Variants in EIF3H observed in about 807,000 individuals in gnomAD.
EIF3H encodes eIF-3-gamma.
In EIF3H, 26 loss-of-function variants were observed where a neutral mutation model predicts 44.2. The ratio of observed to expected loss-of-function variants is 0.59; its 90% confidence interval spans 0.43 to 0.82. The LOEUF is 0.82. Among genes scored for constraint, EIF3H ranks in the 40% least tolerant of loss-of-function variants. EIF3H has a pLI of 0.00. For synonymous variants in EIF3H, 166 were observed against 151.9 expected (o/e 1.09, Z -0.68); for missense variants, 359 against 432.8 (o/e 0.83, Z 1.51).
intron 2 of EIF3H, among the ~76,000 whole-genome samples, chr8:116,666,541 G>A (rs910997477): frequency 3.9e-5 from 6 of 151,906 alleles, no homozygotes; most frequent in African/African-American, 1.5e-4. Flanking sequence ...CGTTGGTCAT[G>A]AAAACACATA....
chr8:116,656,595 G>A (rs1813494463), intron 4 of EIF3H, among the ~76,000 whole-genome samples: 1 of 152,098 alleles, frequency 6.6e-6, no homozygotes, highest in South Asian at 2.1e-4. Flanking sequence ...GGAAACTAGA[G>A]AAGAACCGTC....
chr8:116,740,407 G>A (rs1310593909), intron 1 of EIF3H, among the ~76,000 whole-genome samples: 1 of 147,462 alleles, frequency 6.8e-6, no homozygotes. Context: ...GCTTCTACAG[G>A]AGATGACAGG....
At chr8:116,713,644 C>T (rs1814610852) in intron 2 of EIF3H, among the ~76,000 whole-genome samples, 1 of 151,992 alleles carries the variant, frequency 6.6e-6, no homozygotes, top group South Asian at 2.1e-4. Flanking sequence ...TTCTAATCAC[C>T]TTAATAAACC....
chr8:116,744,272 A>C (rs527367361), intron 1 of EIF3H, among the ~76,000 whole-genome samples: 1 of 152,108 alleles, frequency 6.6e-6, no homozygotes, highest in African/African-American at 2.4e-5. Flanking sequence ...GTGGCACTTA[A>C]GTACCACTTT....
Position 116,743,769 on chromosome 8 carries a change from C to CATACAT in EIF3H, c.132+11896_132+11897insATGTAT, listed in dbSNP as rs1433709835. ...CGATACCCTGTCTCAAAAATACATA[C>CATACAT]ATATATATATATATATATATATATA... On this transcript the variant is annotated intron_variant, in intron 1 of 7. Transcript: ENST00000521861. Among the ~76,000 whole-genome samples, 4 of 96,998 alleles carry CATACAT rather than the reference C, an allele frequency of 4.1e-5. No homozygotes were observed. In the South Asian group the frequency reaches 1.2e-3, roughly 28 times the overall value. 63.6% of individuals were successfully genotyped at this position (96,998 alleles called of 152,430 possible). A position where few individuals can be genotyped will look rare whatever the true frequency, so the allele number is the denominator to read the frequency against.
chr8:116,720,330 T>C (rs1352903460), intron 2 of EIF3H, among the ~76,000 whole-genome samples: 1 of 152,256 alleles, frequency 6.6e-6, no homozygotes, highest in Non-Finnish European at 1.5e-5. Context: ...ATTAAATGTT[T>C]TCATTTAAAT....
intron 2 of EIF3H, among the ~76,000 whole-genome samples, chr8:116,725,528 T>C (rs1429976734): frequency 6.6e-6 from 1 of 152,236 alleles, no homozygotes; most frequent in Non-Finnish European, 1.5e-5. Flanking sequence ...TGTGAGCTTT[T>C]AACTACTCTC....
intron 6 of EIF3H, among the ~76,000 whole-genome samples, chr8:116,648,003 T>A (rs547659169): frequency 6.6e-6 from 1 of 152,198 alleles, no homozygotes; most frequent in African/African-American, 2.4e-5. Flanking sequence ...AATTTCACTA[T>A]ATACTGAAAA....
At chr8:116,696,908 G>A (rs1014814670) in intron 2 of EIF3H, 1 of 323,970 alleles carries the variant, frequency 3.1e-6, no homozygotes, top group African/African-American at 2.2e-5. Flanking sequence ...CAAAACTTTT[G>A]TAAAAGAAAA....
At chr8:116,742,754 G>T (rs954257510) in intron 1 of EIF3H, among the ~76,000 whole-genome samples, 3 of 152,190 alleles carry the variant, frequency 2.0e-5, no homozygotes, top group African/African-American at 7.2e-5. Context: ...CATGTATAAA[G>T]CAACTATGAT....
At chr8:116,721,737 T>C (rs1168428940) in intron 2 of EIF3H, among the ~76,000 whole-genome samples, 3 of 152,234 alleles carry the variant, frequency 2.0e-5, no homozygotes, top group Non-Finnish European at 1.5e-5. Flanking sequence ...TTTGGAGTTT[T>C]AAGATCTGAC....
At chr8:116,651,932 A>G (rs1813400505) in intron 5 of EIF3H, among the ~76,000 whole-genome samples, 1 of 152,224 alleles carries the variant, frequency 6.6e-6, no homozygotes, top group Admixed American at 6.5e-5. Context: ...ATTTAGCAAG[A>G]TCATTACAAT....
At chr8:116,682,728 G>C (rs939647422) in intron 2 of EIF3H, among the ~76,000 whole-genome samples, 4 of 152,216 alleles carry the variant, frequency 2.6e-5, no homozygotes, top group Non-Finnish European at 5.9e-5. Context: ...CTTAAGCTGA[G>C]AATGTTTGGT....
chr8:116,756,743 T>A (rs547799010), upstream of EIF3H, among the ~76,000 whole-genome samples: 353 of 152,344 alleles, frequency 2.3e-3, 3 homozygotes, highest in South Asian at 0.03. Flanking sequence ...TTACAAATTC[T>A]TAACACTACA....
At chr8:116,732,340 C>A (rs1814963774) in intron 1 of EIF3H, among the ~76,000 whole-genome samples, 1 of 151,884 alleles carries the variant, frequency 6.6e-6, no homozygotes, top group Non-Finnish European at 1.5e-5. Context: ...TCTAAAATAG[C>A]CAAATAAATA....
At position 116,701,796 on chromosome 8, in the gene EIF3H, C is replaced by T. The variant is rs978100865; in HGVS notation, c.289+24220G>A. ...AGGAAAAGAAACAGACTGGAACATACTAAAGAGATACAATGAAATCCAACA... is the reference window on the plus strand; with the variant it reads ...AGGAAAAGAAACAGACTGGAACATATTAAAGAGATACAATGAAATCCAACA... On this transcript the variant is annotated intron_variant, in intron 2 of 7. Coordinates refer to ENST00000521861, the MANE Select transcript of EIF3H (RefSeq NM_003756.3). Among the ~76,000 whole-genome samples, 14 of 152,214 alleles carry T rather than the reference C, an allele frequency of 9.2e-5. 1 individual carries two copies. Among genetic ancestry groups the T allele is most frequent in the Admixed American group, 5.2e-4 (8 of 15,288 alleles).
chr8:116,662,199 T>C (rs534090174), intron 2 of EIF3H, among the ~76,000 whole-genome samples: 17 of 152,338 alleles, frequency 1.1e-4, no homozygotes, highest in Admixed American at 5.2e-4. Flanking sequence ...GCCTAATCTA[T>C]GTAAAGTGAA....
intron 1 of EIF3H, among the ~76,000 whole-genome samples, chr8:116,727,955 A>T (rs1308286596): frequency 6.6e-6 from 1 of 152,110 alleles, no homozygotes; most frequent in Non-Finnish European, 1.5e-5. Context: ...GCTTACTAAC[A>T]TGTGAAGATA....
chr8:116,659,841 G>GA (rs973689562), intron 2 of EIF3H, among the ~76,000 whole-genome samples: 1 of 152,012 alleles, frequency 6.6e-6, no homozygotes, highest in Admixed American at 6.5e-5. Context: ...TAATACAGGA[G>GA]AAAACTTTAT....
Sources: gnomAD v4.1 joint callset for allele counts (sites outside exome capture counted in the v4.1 genomes callset) on GRCh38, gnomAD v4.1.1 for gene constraint, MANE v1.5 for transcripts, NCBI Gene and HGNC (gene_info 2026-07-23, HGNC 2026-07-21) for gene names.